Variants in FBXL20 observed in about 807,000 individuals in gnomAD.
FBXL20 encodes F-box/LRR-repeat protein 20.
Under a neutral mutation model 64.0 loss-of-function variants are expected in FBXL20, and 11 were observed. The ratio of observed to expected loss-of-function variants is 0.17; its 90% CI spans 0.11 to 0.28. The LOEUF is 0.28. Ranked by LOEUF, FBXL20 falls within the 10% of genes least tolerant of loss-of-function variation. The pLI, the probability that FBXL20 is intolerant of heterozygous loss-of-function variation, is 1.00. For synonymous variants in FBXL20, 184 were observed against 189.0 expected, an observed-to-expected ratio of 0.97 and a Z score of 0.22; for missense variants, 303 against 526.2, an observed-to-expected ratio of 0.58 and a Z score of 4.15.
Position 39,255,612 on chromosome 17 carries a change from G to A in FBXL20, c.*5848C>T, listed in dbSNP as rs1229370088. On this transcript the variant is annotated 3_prime_UTR_variant, in exon 15 of 15. Transcript: ENST00000264658. ...TAATCCTAGCATGTTGGGAGGCTGA[G>A]GTGGGCAGATCACCTGAGGTTGGGA... is the stretch of plus-strand genomic sequence containing the variant. 3.3e-5 allele frequency: 5 copies of A among 151,886 alleles called. No homozygotes were observed. Among genetic ancestry groups the A allele is most frequent in the Admixed American group, 1.3e-4 (2 of 15,224 alleles). 9.4% of individuals were successfully genotyped at this position (151,886 alleles called of 1,614,324 possible).
At chr17:39,390,337 G>A (rs2048122350) in intron 1 of FBXL20, among the ~76,000 whole-genome samples, 1 of 152,040 alleles carries the variant, frequency 6.6e-6, no homozygotes, top group Non-Finnish European at 1.5e-5. Context: ...GAGGCAGGTG[G>A]ATCACCTGGG....
In FBXL20 at chr17:39,265,362, C is replaced by G. The variant is rs769030156; in HGVS notation, c.990+35G>C. On this transcript the variant is annotated intron_variant, in intron 13 of 14. Coordinates refer to ENST00000264658, the MANE Select transcript of FBXL20 (RefSeq NM_032875.3). ...TGTAGCACTGGCTTTTGATTAAACC[C>G]AGTAAACACATAAAGTTTTCAAAGT... The G allele has an allele frequency of 4.5e-6, 7 of 1,542,212 alleles. No individual in the cohort carries two copies. In the Admixed American group the frequency reaches 1.2e-4, roughly 26 times the overall value.
chr17:39,323,317 G>A (rs534155763), intron 2 of FBXL20, among the ~76,000 whole-genome samples: 1 of 152,190 alleles, frequency 6.6e-6, no homozygotes, highest in East Asian at 1.9e-4. Context: ...GTCATTAGGT[G>A]TCCCTAAAGT....
At chr17:39,263,130 G>A (rs563511255) in intron 14 of FBXL20, among the ~76,000 whole-genome samples, 4 of 151,936 alleles carry the variant, frequency 2.6e-5, no homozygotes, top group African/African-American at 4.8e-5. Context: ...CCTGTAATCC[G>A]AGCACTTTGG....
intron 8 of FBXL20, among the ~76,000 whole-genome samples, chr17:39,282,353 A>T (rs556033219): frequency 1.3e-5 from 2 of 152,348 alleles, no homozygotes; most frequent in South Asian, 4.1e-4. Context: ...CTGGTGGTTA[A>T]AAAACAAGTG....
At position 39,256,624 on chromosome 17, in the gene FBXL20, C is replaced by T. The variant is rs1016356733; in HGVS notation, c.*4836G>A. On this transcript the variant is annotated 3_prime_UTR_variant, in exon 15 of 15. Coordinates refer to ENST00000264658, the MANE Select transcript of FBXL20 (RefSeq NM_032875.3). ...GAGAAAGTCTGTCAGCCAGGAGATACAACCAGGATAAAAGCCTACCCTTAA... is the reference window on the plus strand; with the variant it reads ...GAGAAAGTCTGTCAGCCAGGAGATATAACCAGGATAAAAGCCTACCCTTAA... 6.6e-6 allele frequency: 1 copy of T among 152,190 alleles called. No individual in the cohort carries two copies. The highest frequency in any genetic ancestry group is 1.5e-5 in the Non-Finnish European group (1 of 68,030). The allele number at this position is 152,190 out of a possible 1,614,324, so 9.4% of individuals were successfully genotyped here.
At chr17:39,291,364 G>T (rs1050799003) in intron 6 of FBXL20, among the ~76,000 whole-genome samples, 2 of 151,620 alleles carry the variant, frequency 1.3e-5, no homozygotes, top group Non-Finnish European at 2.9e-5. Context: ...TAGGGAGGGA[G>T]GGAGGAGAGA....
At chr17:39,302,565 G>C (rs1365138922) in intron 3 of FBXL20, among the ~76,000 whole-genome samples, 1 of 152,106 alleles carries the variant, frequency 6.6e-6, no homozygotes, top group East Asian at 1.9e-4. Flanking sequence ...AGTAGAGATG[G>C]GGTTTCACTG....
At chr17:39,385,108 G>C (rs931014607) in intron 1 of FBXL20, among the ~76,000 whole-genome samples, 1 of 152,204 alleles carries the variant, frequency 6.6e-6, no homozygotes, top group African/African-American at 2.4e-5. Flanking sequence ...TGTAGTCTCA[G>C]CTACTTGGAA....
intron 2 of FBXL20, among the ~76,000 whole-genome samples, chr17:39,322,079 T>C (rs1352656539): frequency 6.8e-6 from 1 of 147,758 alleles, no homozygotes; most frequent in African/African-American, 2.5e-5. Context: ...TGGTGGCTCA[T>C]GCCTGGAAGG....
At chr17:39,378,476 T>C (rs1482094830) in intron 1 of FBXL20, among the ~76,000 whole-genome samples, 1 of 152,086 alleles carries the variant, frequency 6.6e-6, no homozygotes, top group Non-Finnish European at 1.5e-5. Flanking sequence ...GGCAAAGGAC[T>C]AAACAGACAT....
chr17:39,303,495 A>C (rs1673547295), intron 3 of FBXL20, 90 bp downstream of exon 3: 1 of 1,054,692 alleles, frequency 9.5e-7, no homozygotes, highest in Admixed American at 2.8e-5. Context: ...CATACAAGTA[A>C]CACCTAAAAT....
intron 9 of FBXL20, 56 bp downstream of exon 9, chr17:39,281,333 A>G: frequency 6.5e-7 from 1 of 1,531,158 alleles, no homozygotes; most frequent in Non-Finnish European, 9.0e-7. Context: ...ATAGCTCTTA[A>G]AAATTTTAAT....
At chr17:39,335,971 T>C (rs992725753) in intron 2 of FBXL20, among the ~76,000 whole-genome samples, 10 of 152,044 alleles carry the variant, frequency 6.6e-5, no homozygotes, top group Non-Finnish European at 1.2e-4. Flanking sequence ...TGAGTCCCCA[T>C]CTCTACAAAA....
At chr17:39,319,256 A>AG (rs984198169) in intron 2 of FBXL20, among the ~76,000 whole-genome samples, 7 of 152,052 alleles carry the variant, frequency 4.6e-5, no homozygotes, top group African/African-American at 1.7e-4. Context: ...TCAAAAAAAA[A>AG]AGAGAGAGAG....
chr17:39,256,825 C>T lies in FBXL20; in HGVS notation c.*4635G>A, dbSNP rs2046700178. 1 of 152,172 alleles carries T rather than the reference C, an allele frequency of 6.6e-6. No individual in the cohort carries two copies. The highest frequency in any genetic ancestry group is 2.1e-4 in the South Asian group (1 of 4,828). The allele number at this position is 152,172 out of a possible 1,614,324, so 9.4% of individuals were successfully genotyped here. ...TCCCAACAACACAGTCACCTAAGGA[C>T]ATGCTGACTAAACAAGCAGGCAGGA... On this transcript the variant is annotated 3_prime_UTR_variant, in exon 15 of 15. Transcript: ENST00000264658.
intron 2 of FBXL20, among the ~76,000 whole-genome samples, chr17:39,305,812 C>G (rs2047176525): frequency 6.6e-6 from 1 of 151,924 alleles, no homozygotes; most frequent in Non-Finnish European, 1.5e-5. Context: ...ATGGTGAAAC[C>G]CCGTTTCTAC....
chr17:39,275,950 TTTTACAAG>T, intron 9 of FBXL20, among the ~76,000 whole-genome samples: 1 of 151,976 alleles, frequency 6.6e-6, no homozygotes, highest in Non-Finnish European at 1.5e-5. Flanking sequence ...ATTTTGTATT[TTTTACAAG>T]TTATTAGACT....
At chr17:39,309,684 C>A (rs1160758339) in intron 2 of FBXL20, among the ~76,000 whole-genome samples, 2 of 150,986 alleles carry the variant, frequency 1.3e-5, no homozygotes, top group African/African-American at 4.9e-5. Context: ...CGCTGTAATC[C>A]CAGCTACTTG....
Sources: gnomAD v4.1 joint callset for allele counts (sites outside exome capture counted in the v4.1 genomes callset) on GRCh38, gnomAD v4.1.1 for gene constraint, MANE v1.5 for transcripts, NCBI Gene and HGNC (gene_info 2026-07-23, HGNC 2026-07-21) for gene names.